The following CPT2 variants were observed in gnomAD, a reference collection of about 807,000 sequenced individuals.
The protein encoded by CPT2 is carnitine palmitoyltransferase 2, also known as carnitine O-palmitoyltransferase 2, mitochondrial.
In CPT2, 37 loss-of-function variants were observed where a neutral mutation model predicts 48.6. The ratio of observed to expected loss-of-function variants is 0.76; its 90% CI spans 0.59 to 1.00. The LOEUF (loss-of-function observed/expected upper bound fraction) is 1.00, where lower values mean the gene tolerates loss of function less well. CPT2 is among the 50% of genes least tolerant of loss of function. The pLI, the probability that CPT2 is intolerant of heterozygous loss-of-function variation, is 0.00. For missense variants in CPT2, 772 were observed against 825.6 expected (o/e 0.94, Z 0.80); for synonymous variants, 319 against 326.9 (o/e 0.98, Z 0.26).
At chr1:53,202,241 C>CAT (rs1179264012) in intron 2 of CPT2, 82 bp from the exon 3 acceptor site, 4 of 1,113,168 alleles carry the variant, frequency 3.6e-6, no homozygotes, top group South Asian at 2.6e-5. Context: ...ACCCAAAACT[C>CAT]TATTATGAGT....
chr1:53,201,620 A>G (rs1645354975), intron 2 of CPT2: 1 of 153,616 alleles, frequency 6.5e-6, no homozygotes, highest in African/African-American at 2.4e-5. Flanking sequence ...GAATTGGAAA[A>G]TAATATCAAA....
intron 3 of CPT2, among the ~76,000 whole-genome samples, chr1:53,205,766 C>T (rs769550069): frequency 9.2e-5 from 14 of 152,216 alleles, no homozygotes; most frequent in Non-Finnish European, 2.1e-4. Context: ...CAGCTCCAGC[C>T]ATGGCTAAAA....
At chr1:53,198,140 C>A (rs1300158097) in intron 1 of CPT2, among the ~76,000 whole-genome samples, 1 of 152,202 alleles carries the variant, frequency 6.6e-6, no homozygotes, top group Non-Finnish European at 1.5e-5. Flanking sequence ...AAACTAACTT[C>A]TAACTTACTG....
intron 1 of CPT2, 192 bp downstream of exon 1, chr1:53,197,287 T>C (rs1352345365): frequency 4.3e-6 from 3 of 700,458 alleles, no homozygotes; most frequent in Non-Finnish European, 7.4e-6. Flanking sequence ...CTCAGAACCC[T>C]CAAATTCTCT....
chr1:53,213,938 G>GA lies in CPT2; in HGVS notation c.*352dup, dbSNP rs905614376. The GA allele has an allele frequency of 2.2e-3, 619 of 282,258 alleles. No homozygotes were observed. The highest frequency in any genetic ancestry group is 3.5e-3 in the South Asian group (96 of 27,180). 17.5% of individuals were successfully genotyped at this position (282,258 alleles called of 1,614,324 possible). A position where few individuals can be genotyped will look rare whatever the true frequency, so the allele number is the denominator to read the frequency against. ...GAGACTGTCTCAAAAAAACAAAAAAGAAAAAAAAACTGGGGCCTGTGTAGC... is the reference window on the plus strand; with the variant it reads ...GAGACTGTCTCAAAAAAACAAAAAAGAAAAAAAAAACTGGGGCCTGTGTAGC... On this transcript the variant is annotated 3_prime_UTR_variant, in exon 5 of 5. Coordinates refer to ENST00000371486, the MANE Select transcript of CPT2 (RefSeq NM_000098.3).
Position 53,202,415 on chromosome 1 carries a change from C to G in CPT2, c.326C>G (p.Thr109Arg). The G allele has an allele frequency of 1.2e-6, 2 of 1,613,736 alleles. No homozygotes were observed. Among genetic ancestry groups the G allele is most frequent in the East Asian group, 2.2e-5 (1 of 44,878 alleles). Residue 109 changes from threonine to arginine, a missense_variant, in exon 3 of 5, where the codon ACA becomes AGA. Coordinates refer to ENST00000371486, the MANE Select transcript of CPT2 (RefSeq NM_000098.3). Reference protein sequence around the residue: ...LVALDKQNKHTSYISGPWFDM... With the variant: ...LVALDKQNKHRSYISGPWFDM... The stretch of plus-strand genomic sequence containing the variant: ...GCTCTGGACAAACAGAATAAACATA[C>G]AAGCTACATTTCGGGTAGGTAGGCT...
In CPT2 at chr1:53,210,090, C is replaced by G. The variant is rs369475478; in HGVS notation, c.416C>G (p.Pro139Arg). ...LNFNPFMAFN[P>R]DPKSEYNDQL... is the part of the protein sequence containing the mutation. ...TTTAATCCATTTATGGCTTTCAATC[C>G]TGACCCAAAATCTGAGTATAATGAC... The change falls in exon 4 of 5, where the codon CCT becomes CGT. Residue 139 changes from proline (P) to arginine (R), a missense_variant. By Grantham distance (103) the Pro-to-Arg change is moderately radical. Transcript: ENST00000371486. 9 of 1,614,108 alleles carry G rather than the reference C, an allele frequency of 5.6e-6. No individual in the cohort carries two copies. Among genetic ancestry groups the G allele is most frequent in the Non-Finnish European group, 7.6e-6 (9 of 1,180,018 alleles).
In CPT2 at chr1:53,197,132, G is replaced by A. The variant is rs763710539; in HGVS notation, c.152+37G>A. ...CTCCGGGTCCCCGCCGCCCGCCGCC[G>A]TCCCAGGATCGGCCCCAACCTGACT... is the stretch of plus-strand genomic sequence containing the variant. On this transcript the variant is annotated intron_variant, in intron 1 of 4. Transcript: ENST00000371486. 11 of 1,535,932 alleles carry A rather than the reference G, an allele frequency of 7.2e-6. No homozygotes were observed. In the South Asian group the frequency reaches 1.1e-4, roughly 15 times the overall value.
At chr1:53,206,485 C>A (rs1005633501) in intron 3 of CPT2, among the ~76,000 whole-genome samples, 7 of 152,216 alleles carry the variant, frequency 4.6e-5, no homozygotes, top group African/African-American at 1.7e-4. Context: ...GTAAAAGCAA[C>A]CATGGGGCTG....
chr1:53,200,955 T>A, intron 2 of CPT2, 156 bp downstream of exon 2: 1 of 705,906 alleles, frequency 1.4e-6, no homozygotes, highest in Admixed American at 2.0e-5. Flanking sequence ...AAATAGATTT[T>A]CATTCATGAA....
At chr1:53,209,771 C>T (rs1308717868) in intron 3 of CPT2, 8 of 496,342 alleles carry the variant, frequency 1.6e-5, no homozygotes, top group Admixed American at 3.3e-5. Context: ...AGCGAGCCTC[C>T]GTCCCAAAAA....
At chr1:53,206,394 C>T (rs1253375149) in intron 3 of CPT2, among the ~76,000 whole-genome samples, 1 of 152,184 alleles carries the variant, frequency 6.6e-6, no homozygotes, top group East Asian at 1.9e-4. Context: ...AGGGCCACTG[C>T]CCTTCAGACC....
At position 53,210,544 on chromosome 1, in the gene CPT2, C is replaced by T. The variant is rs202145705; in HGVS notation, c.870C>T (p.Tyr290=). Reference sequence around the variant, plus strand: ...CCGCCCCCGAGTTTCCCCTGGCATACCTGACCAGTGAGAACCGAGACATCT... The same window carrying T: ...CCGCCCCCGAGTTTCCCCTGGCATATCTGACCAGTGAGAACCGAGACATCT... ...SSPAPEFPLA[Y]LTSENRDIWA... Residue 290 remains tyrosine, a synonymous_variant, in exon 4 of 5, where the codon TAC becomes TAT. Coordinates refer to ENST00000371486, the MANE Select transcript of CPT2 (RefSeq NM_000098.3). 222 of 1,614,140 alleles carry T rather than the reference C, an allele frequency of 1.4e-4. No individual in the cohort carries two copies. Among genetic ancestry groups the T allele is most frequent in the Non-Finnish European group, 1.8e-4 (215 of 1,180,026 alleles).
chr1:53,197,194 G>GC, intron 1 of CPT2, 99 bp downstream of exon 1: 1 of 1,407,064 alleles, frequency 7.1e-7, no homozygotes, highest in Admixed American at 2.0e-5. Context: ...ACCCGTTTCC[G>GC]CCCCCAAGCC....
At position 53,196,839 on chromosome 1, in the gene CPT2, G is replaced by C; in HGVS notation, c.-105G>C. 7.1e-7 allele frequency: 1 copy of C among 1,412,690 alleles called. No homozygotes were observed. Among genetic ancestry groups the C allele is most frequent in the Non-Finnish European group, 9.6e-7 (1 of 1,044,358 alleles). 87.5% of individuals were successfully genotyped at this position (1,412,690 alleles called of 1,614,324 possible). A position where few individuals can be genotyped will look rare whatever the true frequency, so the allele number is the denominator to read the frequency against. On this transcript the variant is annotated 5_prime_UTR_variant, in exon 1 of 5. Coordinates refer to ENST00000371486, the MANE Select transcript of CPT2 (RefSeq NM_000098.3). Reference sequence around the variant, plus strand: ...GCCTGCGGGCGGAGAAGTGCCTCAGGAGTCCTGACGCAGTGTCTTGGGCGC... The same window carrying C: ...GCCTGCGGGCGGAGAAGTGCCTCAGCAGTCCTGACGCAGTGTCTTGGGCGC...
chr1:53,210,589 G>A lies in CPT2; in HGVS notation c.915G>A (p.Lys305=). The change falls in exon 4 of 5, where the codon AAG becomes AAA. Residue 305 remains lysine (K), a synonymous_variant. Coordinates refer to ENST00000371486, the MANE Select transcript of CPT2 (RefSeq NM_000098.3). ...NRDIWAELRQ[K]LMSSGNEESL... ...ACATCTGGGCAGAGCTCAGGCAGAA[G>A]CTGATGAGTAGTGGCAATGAGGAGA... is the stretch of plus-strand genomic sequence containing the variant. 1 of 1,614,138 alleles carries A rather than the reference G, an allele frequency of 6.2e-7. No homozygotes were observed.
In CPT2 at chr1:53,197,015, C is replaced by T. The variant is rs926538202; in HGVS notation, c.72C>T (p.Pro24=). 10 of 1,535,280 alleles carry T rather than the reference C, an allele frequency of 6.5e-6. No individual in the cohort carries two copies. The African/African-American group carries it at 1.4e-4, about 21-fold the overall frequency. ...PAVGPGAPSR[P]LSAGSGPGQY... ...TTGGTCCGGGAGCCCCCAGTCGGCC[C>T]CTCAGCGCCGGCTCCGGGCCCGGCC... Residue 24 remains proline, a synonymous_variant, in exon 1 of 5, where the codon CCC becomes CCT. Coordinates refer to ENST00000371486, the MANE Select transcript of CPT2 (RefSeq NM_000098.3).
At chr1:53,209,724 C>T (rs1460890292) in intron 3 of CPT2, 15 of 383,752 alleles carry the variant, frequency 3.9e-5, no homozygotes, top group Non-Finnish European at 5.8e-5. Flanking sequence ...TGCAGTGAGC[C>T]GAGATTGCAG....
chr1:53,203,106 ATCT>A (rs1382584195), intron 3 of CPT2: 3 of 152,386 alleles, frequency 2.0e-5, no homozygotes, highest in Admixed American at 6.5e-5. Flanking sequence ...CTTCCTCATC[ATCT>A]TATTTCCCAC....
Sources: gnomAD v4.1 joint callset for allele counts (sites outside exome capture counted in the v4.1 genomes callset) on GRCh38, gnomAD v4.1.1 for gene constraint, MANE v1.5 for transcripts, NCBI Gene and HGNC (gene_info 2026-07-23, HGNC 2026-07-21) for gene names.